Variants in C2orf92 observed in about 807,000 individuals in gnomAD.
C2orf92 encodes chromosome 2 open reading frame 92, also known as uncharacterized protein C2orf92.
chr2:97,665,115 G>C (rs1328601393), upstream of C2orf92, among the ~76,000 whole-genome samples: 2 of 152,180 alleles, frequency 1.3e-5, no homozygotes, highest in Admixed American at 6.5e-5. Flanking sequence ...ATTGGGTGTG[G>C]AATTGGCATG....
chr2:97,682,665 A>G (rs1387714530), intron 3 of C2orf92, among the ~76,000 whole-genome samples: 1 of 148,448 alleles, frequency 6.7e-6, no homozygotes, highest in African/African-American at 2.6e-5. Flanking sequence ...CATAATAAAA[A>G]TCAATCACTG....
At chr2:97,681,106 CAAAAAAAAAAAAA>C (rs58856044) in intron 3 of C2orf92, among the ~76,000 whole-genome samples, 2 of 11,968 alleles carry the variant, frequency 1.7e-4, no homozygotes, top group Non-Finnish European at 5.0e-4. Flanking sequence ...GACTCCATCT[CAAAAAAAAAAAAA>C]AAAAAAAAAA....
chr2:97,682,254 T>A (rs1675801311), intron 3 of C2orf92, among the ~76,000 whole-genome samples: 1 of 152,162 alleles, frequency 6.6e-6, no homozygotes, highest in Non-Finnish European at 1.5e-5. Context: ...ACTACCAAAA[T>A]TGACTCCAGA....
intron 1 of C2orf92, chr2:97,671,588 G>A (rs922407511): frequency 1.3e-5 from 5 of 398,216 alleles, no homozygotes; most frequent in South Asian, 1.3e-4. Context: ...ACCTGTTCCC[G>A]CTGCTGTGAA....
At chr2:97,673,936 G>A (rs1457101520) in intron 1 of C2orf92, among the ~76,000 whole-genome samples, 3 of 152,198 alleles carry the variant, frequency 2.0e-5, no homozygotes, top group Non-Finnish European at 4.4e-5. Flanking sequence ...AAAACTGAGT[G>A]GTCAAGATCA....
chr2:97,688,261 C>T (rs1053646635), intron 3 of C2orf92, among the ~76,000 whole-genome samples: 2 of 151,612 alleles, frequency 1.3e-5, no homozygotes, highest in East Asian at 1.9e-4. Context: ...TTACATCAAG[C>T]GAGTGGAAAC....
intron 5 of C2orf92, among the ~76,000 whole-genome samples, chr2:97,695,101 G>A (rs1453174069): frequency 1.3e-5 from 2 of 152,132 alleles, no homozygotes; most frequent in Non-Finnish European, 2.9e-5. Context: ...CCCATCCTGG[G>A]TGGGGTACCT....
chr2:97,668,379 C>T (rs1025223817), upstream of C2orf92: 1 of 152,140 alleles, frequency 6.6e-6, no homozygotes, highest in Non-Finnish European at 1.5e-5. Flanking sequence ...AAAATGAAGT[C>T]ATTAGGGCAG....
At chr2:97,675,214 T>G (rs1453035068) in intron 2 of C2orf92, among the ~76,000 whole-genome samples, 1 of 152,226 alleles carries the variant, frequency 6.6e-6, no homozygotes, top group Non-Finnish European at 1.5e-5. Context: ...CAATGAGTAA[T>G]TAGTTATCAG....
intron 3 of C2orf92, 59 bp from the exon 4 acceptor site, chr2:97,688,836 A>T (rs1054988887): frequency 2.5e-6 from 1 of 398,296 alleles, no homozygotes; most frequent in Non-Finnish European, 4.4e-6. Flanking sequence ...GTACTTAGAG[A>T]GCAAAATATA....
At chr2:97,665,723 CTCTCTCTCTCTCTCTA>C (rs1461663121), upstream of C2orf92, 19 of 61,834 alleles carry the variant, frequency 3.1e-4, no homozygotes, top group African/African-American at 1.0e-3. Context: ...CTCTCTCTCT[CTCTCTCTCTCTCTCTA>C]TATATATATA....
At position 97,702,810 on chromosome 2, in the gene C2orf92, G is replaced by T. The variant is rs149826982; in HGVS notation, c.*9G>T. The stretch of plus-strand genomic sequence containing the variant: ...GCAGCTCCTGTGTCTAAGCCAGGTC[G>T]TGGGGCCGTCAAACCAGGACTTGAA... On this transcript the variant is annotated 3_prime_UTR_variant, in exon 8 of 8. Transcript: ENST00000627399. The T allele has an allele frequency of 5.0e-6, 2 of 398,868 alleles. No homozygotes were observed. The highest frequency in any genetic ancestry group is 4.1e-5 in the African/African-American group (2 of 48,616). The allele number at this position is 398,868 out of a possible 1,614,324, so 24.7% of individuals were successfully genotyped here.
intron 2 of C2orf92, 38 bp downstream of exon 2, chr2:97,674,595 T>A: frequency 2.5e-6 from 1 of 398,490 alleles, no homozygotes; most frequent in Middle Eastern, 6.3e-4. Context: ...TGTACATACC[T>A]CTACAGACCT....
chr2:97,684,031 ATTTTTTTT>A (rs1204247684), intron 3 of C2orf92, among the ~76,000 whole-genome samples: 11 of 107,196 alleles, frequency 1.0e-4, no homozygotes, highest in Admixed American at 2.9e-4. Flanking sequence ...TGCCCAGCTA[ATTTTTTTT>A]TTTTTTTTTT....
intron 5 of C2orf92, among the ~76,000 whole-genome samples, chr2:97,693,979 ATGT>A (rs1403986892): frequency 6.6e-6 from 1 of 152,216 alleles, no homozygotes; most frequent in African/African-American, 2.4e-5. Flanking sequence ...TACATTCATA[ATGT>A]TGTGCAACCA....
rs1180133966 is a variant in C2orf92, at chr2:97,664,689, C to T, written n.256+217C>T. The T allele has an allele frequency of 4.6e-5, 7 of 152,220 alleles. 1 individual carries two copies. Among genetic ancestry groups the T allele is most frequent in the Admixed American group, 2.0e-4 (3 of 15,290 alleles). The allele number at this position is 152,220 out of a possible 1,614,324, so 9.4% of individuals were successfully genotyped here. A position where few individuals can be genotyped will look rare whatever the true frequency, so the allele number is the denominator to read the frequency against. ...TTTTCAATTAGCAATAATCGCGCTT[C>T]GGATAAACCTCATTGGCCACCATAC... is the stretch of plus-strand genomic sequence containing the variant. On this transcript the variant is annotated intron_variant and non_coding_transcript_variant, in intron 1 of 3. Coordinates refer to the C2orf92 transcript ENST00000450072.
intron 3 of C2orf92, among the ~76,000 whole-genome samples, chr2:97,679,110 G>A (rs1675676651): frequency 1.3e-5 from 2 of 151,844 alleles, no homozygotes; most frequent in South Asian, 4.1e-4. Flanking sequence ...CCCGCCTTAT[G>A]AGAAATGGCA....
intron 5 of C2orf92, among the ~76,000 whole-genome samples, chr2:97,696,727 G>A (rs961481139): frequency 2.0e-5 from 3 of 152,084 alleles, no homozygotes; most frequent in African/African-American, 7.2e-5. Context: ...CAGAGACTCC[G>A]TCTCAAAAAC....
intron 3 of C2orf92, among the ~76,000 whole-genome samples, chr2:97,683,115 A>ACAC (rs1185190319): frequency 2.8e-5 from 2 of 70,916 alleles, no homozygotes; most frequent in African/African-American, 5.8e-5. Context: ...CACACACACA[A>ACAC]ACATATTAAA....
Sources: gnomAD v4.1 joint callset for allele counts (sites outside exome capture counted in the v4.1 genomes callset) on GRCh38, gnomAD v4.1.1 for gene constraint, MANE v1.5 for transcripts, NCBI Gene and HGNC (gene_info 2026-07-23, HGNC 2026-07-21) for gene names.